Variants in SMYD3 observed in about 807,000 individuals in gnomAD.
The protein encoded by SMYD3 is histone-lysine N-methyltransferase SMYD3.
Under a neutral mutation model 57.7 loss-of-function variants are expected in SMYD3, and 36 were observed. That is an observed-to-expected ratio of 0.62 (90% confidence interval 0.48 to 0.82). SMYD3 has a LOEUF of 0.82. SMYD3 is among the 40% of genes least tolerant of loss of function. The probability of loss-of-function intolerance (pLI) is 0.00; values close to 1 mark genes in which losing one functional copy is unlikely to be tolerated. For synonymous variants in SMYD3, 211 were observed against 195.0 expected, an observed-to-expected ratio of 1.08 and a Z score of -0.68; for missense variants, 515 against 538.8, an observed-to-expected ratio of 0.96 and a Z score of 0.44.
chr1:245,979,574 C>T (rs2058545246), intron 5 of SMYD3, among the ~76,000 whole-genome samples: 1 of 152,136 alleles, frequency 6.6e-6, no homozygotes. Flanking sequence ...GGACAGCCTG[C>T]TGCCACCAGG....
At chr1:246,118,984 G>A (rs1306573943) in intron 5 of SMYD3, among the ~76,000 whole-genome samples, 1 of 151,738 alleles carries the variant, frequency 6.6e-6, no homozygotes, top group Non-Finnish European at 1.5e-5. Context: ...TCTAGACTTG[G>A]AATACTTCCC....
At chr1:246,332,995 G>C (rs768796479) in intron 3 of SMYD3, among the ~76,000 whole-genome samples, 10 of 152,198 alleles carry the variant, frequency 6.6e-5, no homozygotes, top group Non-Finnish European at 1.5e-4. Context: ...GACTTTCATA[G>C]CTAGAGAGAA....
intron 1 of SMYD3, among the ~76,000 whole-genome samples, chr1:246,492,940 T>G (rs1176827456): frequency 3.3e-5 from 5 of 152,188 alleles, no homozygotes; most frequent in African/African-American, 1.2e-4. Flanking sequence ...AATCCTTATG[T>G]TTTCCTCTGT....
At chr1:245,892,831 T>C (rs2148587540) in intron 8 of SMYD3, among the ~76,000 whole-genome samples, 1 of 152,302 alleles carries the variant, frequency 6.6e-6, no homozygotes, top group Middle Eastern at 3.4e-3. Context: ...GTAAAGATTT[T>C]CAGCTATGGC....
At chr1:245,822,743 G>A (rs2049243241) in intron 10 of SMYD3, among the ~76,000 whole-genome samples, 1 of 151,954 alleles carries the variant, frequency 6.6e-6, no homozygotes, top group South Asian at 2.1e-4. Context: ...GACTCTAGTG[G>A]GGCCCTTTCA....
intron 2 of SMYD3, among the ~76,000 whole-genome samples, chr1:246,346,613 C>T (rs1312657772): frequency 6.6e-6 from 1 of 152,094 alleles, no homozygotes; most frequent in Non-Finnish European, 1.5e-5. Flanking sequence ...CAGGAAGCCC[C>T]TTATAAAACC....
intron 2 of SMYD3, among the ~76,000 whole-genome samples, chr1:246,348,077 T>TATATATATATATACACACACATACATAC: frequency 6.9e-5 from 6 of 86,474 alleles, no homozygotes; most frequent in Non-Finnish European, 1.3e-4. Flanking sequence ...TATATATATA[T>TATATATATATATACACACACATACATAC]ACACACACAC....
chr1:246,316,660 C>T (rs1427495016), intron 5 of SMYD3, among the ~76,000 whole-genome samples: 3 of 140,010 alleles, frequency 2.1e-5, no homozygotes, highest in Non-Finnish European at 4.6e-5. Flanking sequence ...GGATTACAGG[C>T]GTGAGCCACC....
chr1:246,427,957 A>G (rs2067245704), intron 1 of SMYD3, among the ~76,000 whole-genome samples: 1 of 152,264 alleles, frequency 6.6e-6, no homozygotes, highest in Admixed American at 6.5e-5. Context: ...GGAATTCCAA[A>G]TACAGACATG....
intron 5 of SMYD3, among the ~76,000 whole-genome samples, chr1:245,981,301 A>G (rs1379497045): frequency 6.6e-6 from 1 of 152,174 alleles, no homozygotes; most frequent in African/African-American, 2.4e-5. Context: ...TTTTGAGAGG[A>G]TGAGGATCTG....
At chr1:246,349,131 C>T (rs2065778031) in intron 2 of SMYD3, among the ~76,000 whole-genome samples, 2 of 151,972 alleles carry the variant, frequency 1.3e-5, no homozygotes, top group Non-Finnish European at 2.9e-5. Context: ...AGGTTAGAAA[C>T]TTAGATCTAC....
At chr1:245,756,171 T>C (rs2045597383) in intron 11 of SMYD3, among the ~76,000 whole-genome samples, 1 of 149,346 alleles carries the variant, frequency 6.7e-6, no homozygotes, top group Admixed American at 6.7e-5. Context: ...TGTATGCATA[T>C]TATATATGTA....
At chr1:245,863,354 G>A (rs372385215) in intron 9 of SMYD3, among the ~76,000 whole-genome samples, 22 of 152,206 alleles carry the variant, frequency 1.4e-4, no homozygotes, top group South Asian at 8.3e-4. Flanking sequence ...AAAATGTGTC[G>A]TGCAGCAATC....
intron 5 of SMYD3, among the ~76,000 whole-genome samples, chr1:246,105,995 G>C (rs1161186845): frequency 6.6e-6 from 1 of 152,182 alleles, no homozygotes; most frequent in Non-Finnish European, 1.5e-5. Flanking sequence ...ACATTATGCA[G>C]TGAGATAAAG....
chr1:246,181,536 A>G (rs2062551324), intron 5 of SMYD3, among the ~76,000 whole-genome samples: 1 of 152,262 alleles, frequency 6.6e-6, no homozygotes, highest in Admixed American at 6.5e-5. Context: ...CTATCATTTC[A>G]TGATTCACAC....
intron 1 of SMYD3, among the ~76,000 whole-genome samples, chr1:246,413,994 T>C (rs1267921114): frequency 6.6e-6 from 1 of 152,202 alleles, no homozygotes; most frequent in East Asian, 1.9e-4. Context: ...TAATGTAATA[T>C]TGAATATGAA....
intron 11 of SMYD3, among the ~76,000 whole-genome samples, chr1:245,754,073 A>G (rs2045511156): frequency 6.6e-6 from 1 of 152,192 alleles, no homozygotes; most frequent in Admixed American, 6.5e-5. Context: ...GTCACATGAG[A>G]AAAGCAGCAT....
chr1:246,475,797 G>A (rs1285259507), intron 1 of SMYD3, among the ~76,000 whole-genome samples: 1 of 152,036 alleles, frequency 6.6e-6, no homozygotes, highest in Non-Finnish European at 1.5e-5. Context: ...CATATTTTTG[G>A]TAGAGACAGG....
intron 8 of SMYD3, among the ~76,000 whole-genome samples, chr1:245,886,987 G>A (rs2053122054): frequency 6.6e-6 from 1 of 152,108 alleles, no homozygotes; most frequent in South Asian, 2.1e-4. Context: ...AAGCCTCTGG[G>A]ACATTTCACA....
Sources: allele counts gnomAD v4.1 joint callset (sites outside exome capture counted in the v4.1 genomes callset), GRCh38; gene constraint gnomAD v4.1.1; transcripts MANE v1.5; gene names NCBI Gene and HGNC (gene_info 2026-07-23, HGNC 2026-07-21).